The following TES variants were observed in gnomAD, a reference collection of about 807,000 sequenced individuals.
TES encodes testin LIM domain protein, also known as testin.
TES carries 41 observed loss-of-function variants against 48.2 expected under a neutral mutation model. The ratio of observed to expected loss-of-function variants is 0.85; its 90% CI spans 0.66 to 1.10. The LOEUF (loss-of-function observed/expected upper bound fraction) is 1.10. Ranked by LOEUF, TES falls within the 50% of genes least tolerant of loss-of-function variation. The pLI is 0.00. For missense variants in TES, 463 were observed against 515.1 expected (o/e 0.90, Z 0.98); for synonymous variants, 162 against 174.9 (o/e 0.93, Z 0.58).
At chr7:116,216,225 A>G (rs747759298) in intron 1 of TES, among the ~76,000 whole-genome samples, 7 of 152,274 alleles carry the variant, frequency 4.6e-5, no homozygotes, top group Admixed American at 2.6e-4. Context: ...TAATGTGTAT[A>G]TACCTTTTTT....
intron 1 of TES, among the ~76,000 whole-genome samples, chr7:116,227,872 G>A (rs1247199812): frequency 6.6e-6 from 1 of 152,006 alleles, no homozygotes. Flanking sequence ...TTACTCCAGA[G>A]GGAAATTTGG....
intron 2 of TES, among the ~76,000 whole-genome samples, chr7:116,238,588 T>TATTATTATC (rs1563010668): frequency 1.4e-5 from 2 of 146,372 alleles, no homozygotes; most frequent in Non-Finnish European, 1.5e-5. Context: ...CATCCATCAT[T>TATTATTATC]ATTATTATTA....
intron 1 of TES, among the ~76,000 whole-genome samples, chr7:116,226,484 G>T (rs1024618420): frequency 3.9e-5 from 6 of 152,206 alleles, no homozygotes; most frequent in African/African-American, 1.4e-4. Flanking sequence ...ACAGAGAGCG[G>T]CTGGAGGGGA....
intron 1 of TES, among the ~76,000 whole-genome samples, chr7:116,214,750 T>C (rs1282220600): frequency 6.6e-6 from 1 of 152,178 alleles, no homozygotes; most frequent in Non-Finnish European, 1.5e-5. Flanking sequence ...GGCTATTACC[T>C]ATGTCCCATC....
Position 116,257,555 on chromosome 7 carries a change from G to GA in TES, c.*80dup. On this transcript the variant is annotated 3_prime_UTR_variant, in exon 7 of 7. Transcript: ENST00000358204. ...GCATTTCTACTGTAAAATGCAATTT[G>GA]AAAAAAATAAAACGCAAAAAAAGAA... 1.6e-6 allele frequency: 2 copies of GA among 1,219,890 alleles called. No homozygotes were observed. The highest frequency in any genetic ancestry group is 3.8e-5 in the Admixed American group (1 of 26,130). 75.6% of individuals were successfully genotyped at this position (1,219,890 alleles called of 1,614,324 possible). A position where few individuals can be genotyped will look rare whatever the true frequency, so the allele number is the denominator to read the frequency against.
intron 1 of TES, among the ~76,000 whole-genome samples, chr7:116,225,373 A>G (rs1334809923): frequency 6.6e-6 from 1 of 152,122 alleles, no homozygotes; most frequent in Non-Finnish European, 1.5e-5. Context: ...TCATTAACTT[A>G]ATACTGTTAC....
intron 1 of TES, among the ~76,000 whole-genome samples, chr7:116,228,632 C>T (rs1426987428): frequency 6.6e-6 from 1 of 152,124 alleles, no homozygotes; most frequent in Non-Finnish European, 1.5e-5. Context: ...CCTATGCATA[C>T]TTTATAAAAC....
Position 116,257,871 on chromosome 7 carries a change from A to AGGGGG in TES, c.*389_*390insGGGGG, listed in dbSNP as rs1800126682. The AGGGGG allele has an allele frequency of 1.3e-5, 2 of 153,890 alleles. No homozygotes were observed. The highest frequency in any genetic ancestry group is 2.8e-5 in the Non-Finnish European group (2 of 70,798). The allele number at this position is 153,890 out of a possible 1,614,324, so 9.5% of individuals were successfully genotyped here. ...TTTTTTCCCCCTCATGTGTAAAATG[A>AGGGGG]AAAGAAAACTAAATTTGCCCTAATA... is the stretch of plus-strand genomic sequence containing the variant. On this transcript the variant is annotated 3_prime_UTR_variant, in exon 7 of 7. Transcript: ENST00000358204.
chr7:116,226,174 AAC>A (rs1799618424), intron 1 of TES, among the ~76,000 whole-genome samples: 1 of 152,254 alleles, frequency 6.6e-6, no homozygotes, highest in Non-Finnish European at 1.5e-5. Context: ...TGATAATTAA[AAC>A]AATTAAATAA....
chr7:116,244,388 G>A (rs1039568987), intron 2 of TES, among the ~76,000 whole-genome samples: 8 of 152,234 alleles, frequency 5.3e-5, no homozygotes, highest in Non-Finnish European at 2.9e-5. Flanking sequence ...TTGGCCAAAA[G>A]AAAGGGGCTA....
intron 6 of TES, among the ~76,000 whole-genome samples, chr7:116,254,756 ATATGTGTG>A (rs1448494648): frequency 0.02 from 2,831 of 143,242 alleles, 63 homozygotes; most frequent in African/African-American, 0.048. Context: ...AAATATATAT[ATATGTGTG>A]TGTGTGTGTG....
chr7:116,210,550 C>G lies in TES; in HGVS notation c.-158C>G. ...CGGGCCGCAGGCCCGCTGCGGCGGA[C>G]TGGGCGGCGGAAGTTCGACGGCGCC... On this transcript the variant is annotated 5_prime_UTR_variant, in exon 1 of 7. Transcript: ENST00000358204. The G allele has an allele frequency of 2.5e-6, 2 of 789,788 alleles. No homozygotes were observed. Among genetic ancestry groups the G allele is most frequent in the Non-Finnish European group, 3.5e-6 (2 of 575,986 alleles). 48.9% of individuals were successfully genotyped at this position (789,788 alleles called of 1,614,324 possible). A position where few individuals can be genotyped will look rare whatever the true frequency, so the allele number is the denominator to read the frequency against.
At position 116,257,291 on chromosome 7, in the gene TES, T is replaced by C. The variant is rs780031784; in HGVS notation, c.1078-3T>C. On this transcript the variant is annotated splice_polypyrimidine_tract_variant and splice_region_variant and intron_variant, in intron 6 of 6. Coordinates refer to ENST00000358204, the MANE Select transcript of TES (RefSeq NM_015641.4). ...CCTCTTCTCTTGTATTATTTCTTAA[T>C]AGGTGTGTCAAGGATGCCACAATGC... 3 of 1,602,940 alleles carry C rather than the reference T, an allele frequency of 1.9e-6. No homozygotes were observed. The highest frequency in any genetic ancestry group is 3.5e-5 in the Admixed American group (2 of 57,934).
rs1407572657 is a variant in TES, at chr7:116,250,251, C to T, written c.457C>T (p.Gln153Ter). The T allele has an allele frequency of 1.9e-6, 3 of 1,610,030 alleles. No homozygotes were observed. The highest frequency in any genetic ancestry group is 4.5e-5 in the East Asian group (2 of 44,630). Residue 153 changes from glutamine (Q) to a stop codon, truncating the protein, a stop_gained, in exon 4 of 7, where the codon CAG becomes TAG. Coordinates refer to ENST00000358204, the MANE Select transcript of TES (RefSeq NM_015641.4). LOFTEE classifies it high-confidence loss of function. ...AQYRKKQLAK[Q>*]LPAHDQDPSK... The stretch of plus-strand genomic sequence containing the variant: ...GTACCGGAAGAAGCAGCTGGCAAAG[C>T]AGCTCCCTGCACATGACCAGGACCC...
At chr7:116,211,439 G>C (rs1249703164) in intron 1 of TES, 5 of 152,258 alleles carry the variant, frequency 3.3e-5, no homozygotes, top group Non-Finnish European at 4.4e-5. Flanking sequence ...CAGCTTGGCT[G>C]CTGCCTCGCA....
At chr7:116,218,646 A>G (rs968721697) in intron 1 of TES, among the ~76,000 whole-genome samples, 4 of 152,148 alleles carry the variant, frequency 2.6e-5, no homozygotes, top group African/African-American at 7.2e-5. Flanking sequence ...TCTAAACTCC[A>G]TATCTATCAG....
At chr7:116,255,356 G>C (rs1397666675) in intron 6 of TES, 7 of 152,230 alleles carry the variant, frequency 4.6e-5, no homozygotes, top group Non-Finnish European at 1.5e-5. Flanking sequence ...TCTCCCTGAA[G>C]GGTTCTGCAG....
chr7:116,221,751 A>G (rs1799560598), intron 1 of TES, among the ~76,000 whole-genome samples: 1 of 152,168 alleles, frequency 6.6e-6, no homozygotes, highest in South Asian at 2.1e-4. Flanking sequence ...GATTGAGCCC[A>G]CTTTCTGCTC....
chr7:116,249,044 T>C lies in TES; in HGVS notation c.138T>C (p.Cys46=). Residue 46 remains cysteine, a synonymous_variant, in exon 3 of 7, where the codon TGT becomes TGC. Transcript: ENST00000358204. The stretch of plus-strand genomic sequence containing the variant: ...GAAAAATATGTCGTAACTGCAAGTG[T>C]GGCCAAGAAGAGCATGATGTCCTCT... ...FWRKICRNCK[C]GQEEHDVLLS... The C allele has an allele frequency of 1.9e-6, 3 of 1,603,434 alleles. No individual in the cohort carries two copies. Among genetic ancestry groups the C allele is most frequent in the Non-Finnish European group, 2.6e-6 (3 of 1,173,694 alleles).
Sources: allele counts gnomAD v4.1 joint callset (sites outside exome capture counted in the v4.1 genomes callset), GRCh38; gene constraint gnomAD v4.1.1; transcripts MANE v1.5; gene names NCBI Gene and HGNC (gene_info 2026-07-23, HGNC 2026-07-21).